FMNL2: variants seen among roughly 807,000 people sequenced by gnomAD.
The protein encoded by FMNL2 is formin like 2, also known as formin-like protein 2.
In FMNL2, 51 loss-of-function variants were observed where a neutral mutation model predicts 130.2. The ratio of observed to expected loss-of-function variants is 0.39; its 90% CI spans 0.31 to 0.49. The LOEUF is 0.49. Ranked by LOEUF, FMNL2 falls within the 20% of genes least tolerant of loss-of-function variation. The pLI, the probability that FMNL2 is intolerant of heterozygous loss-of-function variation, is 0.85. For missense variants in FMNL2, 977 were observed against 1,316.2 expected (o/e 0.74, Z 3.99); for synonymous variants, 465 against 467.1 (o/e 1.00, Z 0.06).
intron 4 of FMNL2, among the ~76,000 whole-genome samples, chr2:152,554,513 A>AACT (rs1391148999): frequency 2.6e-5 from 4 of 152,238 alleles, no homozygotes; most frequent in Non-Finnish European, 4.4e-5. Context: ...AGATCAGAAT[A>AACT]ACTCAGTAAA....
chr2:152,390,134 C>G, intron 1 of FMNL2: 2 of 1,264,632 alleles, frequency 1.6e-6, no homozygotes, highest in Non-Finnish European at 2.3e-6. Flanking sequence ...ACCTAGGCAA[C>G]GGGGCAGACC....
chr2:152,589,131 AGC>A, intron 9 of FMNL2, among the ~76,000 whole-genome samples: 1 of 151,356 alleles, frequency 6.6e-6, no homozygotes, highest in African/African-American at 2.4e-5. Flanking sequence ...GAGGAAGTAC[AGC>A]AGGGTAACAG....
chr2:152,428,144 G>A (rs1439894880), intron 1 of FMNL2, among the ~76,000 whole-genome samples: 1 of 152,152 alleles, frequency 6.6e-6, no homozygotes, highest in Non-Finnish European at 1.5e-5. Flanking sequence ...TGCCAACTTT[G>A]CATTTTATCA....
In FMNL2 at chr2:152,542,824, G is replaced by T; in HGVS notation, c.282+5G>T. 1 of 1,613,746 alleles carries T rather than the reference G, an allele frequency of 6.2e-7. No individual in the cohort carries two copies. The highest frequency in any genetic ancestry group is 8.5e-7 in the Non-Finnish European group (1 of 1,179,698). On this transcript the variant is annotated splice_donor_5th_base_variant and intron_variant, in intron 3 of 25. Coordinates refer to ENST00000288670, the MANE Select transcript of FMNL2 (RefSeq NM_052905.4). ...GATCCAGCTGTAACCAGGAAGGTAA[G>T]ATGGATTTGTTTCCACTCTTTGTTA...
intron 1 of FMNL2, among the ~76,000 whole-genome samples, chr2:152,446,796 A>G (rs1027627172): frequency 1.2e-4 from 19 of 152,212 alleles, no homozygotes; most frequent in African/African-American, 4.6e-4. Flanking sequence ...ATACACCCCT[A>G]CTGATTTTTC....
At chr2:152,611,078 T>C (rs772859262) in intron 10 of FMNL2, among the ~76,000 whole-genome samples, 6 of 152,240 alleles carry the variant, frequency 3.9e-5, no homozygotes, top group African/African-American at 7.2e-5. Context: ...CAGTGGGTCA[T>C]GCCTGTAATC....
intron 2 of FMNL2, among the ~76,000 whole-genome samples, chr2:152,542,137 A>T (rs1004384862): frequency 1.3e-5 from 2 of 152,136 alleles, no homozygotes; most frequent in Non-Finnish European, 2.9e-5. Flanking sequence ...TTTGCTCAGG[A>T]TACTTTTGGA....
chr2:152,347,423 T>C (rs1284687948), intron 1 of FMNL2, among the ~76,000 whole-genome samples: 1 of 152,228 alleles, frequency 6.6e-6, no homozygotes, highest in Non-Finnish European at 1.5e-5. Flanking sequence ...CTTTTAGTTA[T>C]ATCATCATTG....
At position 152,436,230 on chromosome 2, in the gene FMNL2, A is replaced by C. The variant is rs545932167; in HGVS notation, c.118-85713A>C. 2.0e-5 allele frequency among the ~76,000 whole-genome samples: 3 copies of C among 151,792 alleles called. No individual in the cohort carries two copies. The South Asian group carries it at 6.2e-4, about 32-fold the overall frequency. On this transcript the variant is annotated intron_variant, in intron 1 of 25. Transcript: ENST00000288670. ...ACCCAGGCTGGAGTGCAGTGGCACT[A>C]TCTTGGCTCACTGCAGCCTCCACCT...
intron 1 of FMNL2, among the ~76,000 whole-genome samples, chr2:152,381,732 G>T (rs905813295): frequency 6.6e-6 from 1 of 152,126 alleles, no homozygotes; most frequent in Non-Finnish European, 1.5e-5. Flanking sequence ...AAATTAAAAT[G>T]CAGTAATGCT....
At chr2:152,483,282 C>T (rs911576438) in intron 1 of FMNL2, among the ~76,000 whole-genome samples, 24 of 152,042 alleles carry the variant, frequency 1.6e-4, no homozygotes, top group Admixed American at 7.2e-4. Flanking sequence ...GGAAAGTCAT[C>T]ATTTCCTTGA....
chr2:152,505,523 C>G (rs1317902150), intron 1 of FMNL2, among the ~76,000 whole-genome samples: 2 of 151,928 alleles, frequency 1.3e-5, no homozygotes, highest in East Asian at 3.9e-4. Flanking sequence ...ATAAGGAAAC[C>G]CAAGTCATTA....
intron 1 of FMNL2, among the ~76,000 whole-genome samples, chr2:152,424,653 T>C (rs897952998): frequency 2.6e-5 from 4 of 152,008 alleles, no homozygotes; most frequent in African/African-American, 9.7e-5. Context: ...CCTCCCAAAG[T>C]GCTGGGATTA....
At chr2:152,410,055 A>G (rs1415733533) in intron 1 of FMNL2, among the ~76,000 whole-genome samples, 2 of 152,178 alleles carry the variant, frequency 1.3e-5, no homozygotes, top group South Asian at 2.1e-4. Context: ...GGAATGAACA[A>G]TACAGTTCTG....
chr2:152,549,672 A>T (rs1280323655), intron 4 of FMNL2, among the ~76,000 whole-genome samples: 2 of 152,188 alleles, frequency 1.3e-5, no homozygotes, highest in Non-Finnish European at 2.9e-5. Context: ...AAGCATTCTG[A>T]GTTTCTTTCA....
chr2:152,390,084 A>T, intron 1 of FMNL2: 1 of 1,499,258 alleles, frequency 6.7e-7, no homozygotes, highest in Non-Finnish European at 9.3e-7. Context: ...GCAGGAGAAG[A>T]AGGAGGAAGA....
At chr2:152,336,260 G>A (rs1681440036) in intron 1 of FMNL2, among the ~76,000 whole-genome samples, 1 of 152,094 alleles carries the variant, frequency 6.6e-6, no homozygotes, top group Non-Finnish European at 1.5e-5. Context: ...CTCACGTCGC[G>A]GCTTGGCCAA....
At position 152,356,737 on chromosome 2, in the gene FMNL2, TG is replaced by T. The variant is rs1682812376; in HGVS notation, c.117+21018del. Among the ~76,000 whole-genome samples the T allele has an allele frequency of 1.7e-4, 3 of 17,554 alleles. No individual in the cohort carries two copies. In the South Asian group the frequency reaches 0.016, roughly 96 times the overall value. The allele number at this position is 17,554 out of a possible 152,430, so 11.5% of individuals were successfully genotyped here. A position where few individuals can be genotyped will look rare whatever the true frequency, so the allele number is the denominator to read the frequency against. ...TAGTGCCACACTTTTTGCACTTTTG[TG>T]CTTTTTTTTTTTTGGTGATTTTGCT... On this transcript the variant is annotated intron_variant, in intron 1 of 25. Coordinates refer to ENST00000288670, the MANE Select transcript of FMNL2 (RefSeq NM_052905.4).
In FMNL2 at chr2:152,514,510, G is replaced by A. The variant is rs143690461; in HGVS notation, c.118-7433G>A. Among the ~76,000 whole-genome samples, 146 of 152,226 alleles carry A rather than the reference G, an allele frequency of 9.6e-4. No homozygotes were observed. The Middle Eastern group carries it at 0.014, about 14-fold the overall frequency. On this transcript the variant is annotated intron_variant, in intron 1 of 25. Coordinates refer to ENST00000288670, the MANE Select transcript of FMNL2 (RefSeq NM_052905.4). ...ATTTAACATACTGAGTACTTTCCGT[G>A]TACTTACTTTTGTACTATTTTATAG...
Sources: allele counts gnomAD v4.1 joint callset (sites outside exome capture counted in the v4.1 genomes callset), GRCh38; gene constraint gnomAD v4.1.1; transcripts MANE v1.5; gene names NCBI Gene and HGNC (gene_info 2026-07-23, HGNC 2026-07-21).